The following NRG3 variants were observed in gnomAD, a reference collection of about 807,000 sequenced individuals.
The protein encoded by NRG3 is neuregulin 3, also known as pro-neuregulin-3, membrane-bound isoform.
In NRG3, 31 loss-of-function variants were observed where a neutral mutation model predicts 66.9. The observed-to-expected ratio is 0.46, with a 90% CI of 0.35 to 0.63. The LOEUF (loss-of-function observed/expected upper bound fraction) is 0.63, where lower values mean the gene tolerates loss of function less well. Among genes scored for constraint, NRG3 ranks in the 20% least tolerant of loss-of-function variants. The pLI, the probability that NRG3 is intolerant of heterozygous loss-of-function variation, is 0.00. For synonymous variants in NRG3, 393 were observed against 359.4 expected (o/e 1.09, Z -1.06); for missense variants, 910 against 878.9 (o/e 1.04, Z -0.45).
intron 1 of NRG3, among the ~76,000 whole-genome samples, chr10:82,085,170 G>A (rs2065643452): frequency 6.6e-6 from 1 of 152,066 alleles, no homozygotes; most frequent in Non-Finnish European, 1.5e-5. Flanking sequence ...CTGAGAGAAT[G>A]GTACTTCAAG....
At chr10:82,071,566 G>C (rs916853997) in intron 1 of NRG3, among the ~76,000 whole-genome samples, 29 of 152,170 alleles carry the variant, frequency 1.9e-4, no homozygotes, top group African/African-American at 7.0e-4. Context: ...GCTGAGCAAA[G>C]AGAACCAATG....
intron 1 of NRG3, among the ~76,000 whole-genome samples, chr10:81,892,360 C>T (rs764631510): frequency 9.2e-5 from 14 of 151,900 alleles, no homozygotes; most frequent in African/African-American, 2.7e-4. Context: ...GGAGGAATTG[C>T]GGGCACACAC....
intron 1 of NRG3, among the ~76,000 whole-genome samples, chr10:82,157,472 G>A (rs2071276855): frequency 2.0e-5 from 3 of 151,610 alleles, no homozygotes; most frequent in Admixed American, 2.0e-4. Flanking sequence ...CCTATGTCAA[G>A]GTCAAACTGA....
At chr10:81,910,777 G>A (rs570005381) in intron 1 of NRG3, among the ~76,000 whole-genome samples, 1 of 152,186 alleles carries the variant, frequency 6.6e-6, no homozygotes, top group South Asian at 2.1e-4. Flanking sequence ...TCTGTCTCCT[G>A]AGTAGCTGGG....
intron 2 of NRG3, among the ~76,000 whole-genome samples, chr10:82,719,927 T>A (rs1169065906): frequency 2.6e-5 from 4 of 152,236 alleles, no homozygotes; most frequent in African/African-American, 9.6e-5. Context: ...AGGATATTAG[T>A]ACATATTAAA....
intron 3 of NRG3, among the ~76,000 whole-genome samples, chr10:82,764,388 T>G (rs1273305975): frequency 6.6e-6 from 1 of 151,558 alleles, no homozygotes; most frequent in East Asian, 1.9e-4. Context: ...TTTTTTTTTT[T>G]TTTTTTTGAG....
chr10:82,339,654 CT>C (rs2082576838), intron 1 of NRG3, among the ~76,000 whole-genome samples: 1 of 152,078 alleles, frequency 6.6e-6, no homozygotes, highest in Non-Finnish European at 1.5e-5. Context: ...TTTTAAATTT[CT>C]ATTTTTTTTA....
At chr10:82,426,564 C>A (rs1198876400) in intron 2 of NRG3, among the ~76,000 whole-genome samples, 1 of 146,926 alleles carries the variant, frequency 6.8e-6, no homozygotes, top group Non-Finnish European at 1.5e-5. Context: ...AAGCTTTTTA[C>A]CTTTTGGACT....
intron 1 of NRG3, among the ~76,000 whole-genome samples, chr10:82,052,078 T>C (rs1255643706): frequency 6.6e-6 from 1 of 150,396 alleles, no homozygotes; most frequent in Non-Finnish European, 1.5e-5. Flanking sequence ...TTTCTGGCAA[T>C]GTATGACAGG....
rs543595134 is a variant in NRG3 at position 82,614,936 on chromosome 10, C to T, written c.954-123641C>T. ...CTAGGTGATATCAATGCTTCTTATC[C>T]GGGGACCATGCTTTCAAGACCACTG... On this transcript the variant is annotated intron_variant, in intron 2 of 8. Transcript: ENST00000372141. 1.2e-3 allele frequency among the ~76,000 whole-genome samples: 187 copies of T among 151,612 alleles called. 1 individual carries two copies. Among genetic ancestry groups the T allele is most frequent in the African/African-American group, 4.1e-3 (171 of 41,412 alleles).
chr10:81,906,295 A>G (rs539704278), intron 1 of NRG3, among the ~76,000 whole-genome samples: 5 of 152,192 alleles, frequency 3.3e-5, no homozygotes, highest in Non-Finnish European at 7.3e-5. Context: ...TCTTCAATAC[A>G]GTATGCAGCC....
At chr10:82,345,547 G>C (rs1366008873) in intron 1 of NRG3, among the ~76,000 whole-genome samples, 1 of 151,562 alleles carries the variant, frequency 6.6e-6, no homozygotes, top group Non-Finnish European at 1.5e-5. Flanking sequence ...GGCAATGTGG[G>C]CTCTTTTTTG....
At chr10:82,018,461 A>G (rs575534753) in intron 1 of NRG3, among the ~76,000 whole-genome samples, 3 of 152,110 alleles carry the variant, frequency 2.0e-5, no homozygotes, top group Non-Finnish European at 4.4e-5. Context: ...GTTTTTTCCA[A>G]TTCTGTGAAG....
intron 1 of NRG3, chr10:82,232,235 G>A (rs2076514469): frequency 6.5e-6 from 1 of 153,376 alleles, no homozygotes; most frequent in Non-Finnish European, 1.5e-5. Context: ...CAGGGGGAAA[G>A]GGACTTTGGT....
intron 1 of NRG3, among the ~76,000 whole-genome samples, chr10:81,965,168 G>A (rs965715529): frequency 2.6e-5 from 4 of 152,278 alleles, no homozygotes; most frequent in African/African-American, 9.6e-5. Context: ...ATACCTACAT[G>A]GGTGACCCTG....
chr10:82,978,119 A>C (rs1852477470), intron 7 of NRG3, among the ~76,000 whole-genome samples: 1 of 152,132 alleles, frequency 6.6e-6, no homozygotes, highest in African/African-American at 2.4e-5. Flanking sequence ...TCTCCTCACC[A>C]GTCTACAGTA....
chr10:82,959,844 C>T (rs1027299457), intron 6 of NRG3, among the ~76,000 whole-genome samples: 1 of 152,096 alleles, frequency 6.6e-6, no homozygotes, highest in African/African-American at 2.4e-5. Context: ...CAGTTTTAAC[C>T]ATTACTGAGG....
chr10:82,924,871 C>G (rs189327443), intron 4 of NRG3, among the ~76,000 whole-genome samples: 1 of 152,160 alleles, frequency 6.6e-6, no homozygotes, highest in Admixed American at 6.5e-5. Flanking sequence ...ATTGCTTTTT[C>G]CATGTTACAT....
At chr10:82,932,252 G>C (rs139249441) in intron 4 of NRG3, among the ~76,000 whole-genome samples, 1 of 152,048 alleles carries the variant, frequency 6.6e-6, no homozygotes. Flanking sequence ...TGACCTCACC[G>C]CTACACACCA....
Sources: gnomAD v4.1 joint callset for allele counts (sites outside exome capture counted in the v4.1 genomes callset) on GRCh38, gnomAD v4.1.1 for gene constraint, MANE v1.5 for transcripts, NCBI Gene and HGNC (gene_info 2026-07-23, HGNC 2026-07-21) for gene names.